Variants in TTC14 observed in about 807,000 individuals in gnomAD.
TTC14 encodes tetratricopeptide repeat domain 14, also known as tetratricopeptide repeat protein 14.
In TTC14, 63 loss-of-function variants were observed where a neutral mutation model predicts 79.9. That is an observed-to-expected ratio of 0.79 (90% CI 0.64 to 0.97). The LOEUF is 0.97. TTC14 is among the 50% of genes least tolerant of loss of function. The pLI is 0.00. For synonymous variants in TTC14, 335 were observed against 309.6 expected (o/e 1.08, Z -0.86); for missense variants, 895 against 894.0 (o/e 1.00, Z -0.01).
At chr3:180,612,101 A>G (rs574988148), downstream of TTC14, among the ~76,000 whole-genome samples, 1 of 151,308 alleles carries the variant, frequency 6.6e-6, no homozygotes, top group Non-Finnish European at 1.5e-5. Flanking sequence ...ATTCATCTTA[A>G]AAAGAGTCCT....
In TTC14 at chr3:180,610,453, G is replaced by C. The variant is rs762865010; in HGVS notation, c.2224G>C (p.Val742Leu). Reference protein sequence around the residue: ...LSSKEHSESSVKKNLPQNLLN... With the variant: ...LSSKEHSESSLKKNLPQNLLN... ...TAGCAAAGAACACTCAGAAAGCAGT[G>C]TTAAGAAAAATTTACCTCAGAATTT... Residue 742 changes from valine (V) to leucine (L), a missense_variant, in exon 12 of 12, where the codon GTT becomes CTT. Transcript: ENST00000296015. 1 of 1,609,454 alleles carries C rather than the reference G, an allele frequency of 6.2e-7. No homozygotes were observed. Among genetic ancestry groups the C allele is most frequent in the African/African-American group, 1.3e-5 (1 of 74,650 alleles).
At position 180,602,205 on chromosome 3, in the gene TTC14, G is replaced by C; in HGVS notation, c.-57G>C. On this transcript the variant is annotated 5_prime_UTR_variant, in exon 1 of 12. Transcript: ENST00000296015. ...TCCTGTACCACCCGGCTCAAGTAGC[G>C]GACACGGAACAGGGAACTATCAGCC... 4 of 1,591,132 alleles carry C rather than the reference G, an allele frequency of 2.5e-6. No individual in the cohort carries two copies. Among genetic ancestry groups the C allele is most frequent in the Non-Finnish European group, 3.4e-6 (4 of 1,168,750 alleles).
intron 1 of TTC14, 89 bp downstream of exon 1, chr3:180,602,511 A>C: frequency 2.7e-6 from 4 of 1,455,110 alleles, no homozygotes; most frequent in Non-Finnish European, 3.6e-6. Flanking sequence ...GTCTAGAGGA[A>C]GTGGAGCCGC....
At position 180,602,194 on chromosome 3, in the gene TTC14, G is replaced by A. The variant is rs1224169640; in HGVS notation, c.-68G>A. Reference sequence around the variant, plus strand: ...TTTCTTCCGCTTCCTGTACCACCCGGCTCAAGTAGCGGACACGGAACAGGG... The same window carrying A: ...TTTCTTCCGCTTCCTGTACCACCCGACTCAAGTAGCGGACACGGAACAGGG... On this transcript the variant is annotated 5_prime_UTR_variant, in exon 1 of 12. Transcript: ENST00000296015. 3.8e-6 allele frequency: 6 copies of A among 1,578,184 alleles called. No individual in the cohort carries two copies. In the African/African-American group the frequency reaches 6.7e-5, roughly 18 times the overall value.
intron 12 of TTC14, chr3:180,616,938 T>A: frequency 6.9e-7 from 1 of 1,459,246 alleles, no homozygotes; most frequent in Non-Finnish European, 9.5e-7. Flanking sequence ...TGCCAAATGT[T>A]CTATAACATC....
At chr3:180,604,365 A>G in intron 4 of TTC14, 56 bp downstream of exon 4, 2 of 1,574,158 alleles carry the variant, frequency 1.3e-6, no homozygotes, top group Non-Finnish European at 1.7e-6. Flanking sequence ...TTTTGTTTTT[A>G]TTAATTTAAA....
At chr3:180,605,958 A>G in intron 7 of TTC14, 121 bp downstream of exon 7, 1 of 1,039,762 alleles carries the variant, frequency 9.6e-7, no homozygotes. Context: ...CCTTTTTGAC[A>G]TGAGCTTTTC....
chr3:180,607,497 T>C (rs1576921885), intron 9 of TTC14, 151 bp from the exon 10 acceptor site: 1 of 1,233,702 alleles, frequency 8.1e-7, no homozygotes, highest in East Asian at 2.9e-5. Flanking sequence ...TAAATTACAG[T>C]AAAAAGCATA....
Position 180,602,245 on chromosome 3 carries a change from C to G in TTC14, c.-17C>G. The G allele has an allele frequency of 1.2e-6, 2 of 1,613,048 alleles. No homozygotes were observed. Among genetic ancestry groups the G allele is most frequent in the Non-Finnish European group, 1.7e-6 (2 of 1,179,612 alleles). ...AACTATCAGCCCGTCGGCCTCCGGG[C>G]CCTGCATTCTCTAGCCATGGACCGG... On this transcript the variant is annotated 5_prime_UTR_variant, in exon 1 of 12. Transcript: ENST00000296015.
In TTC14 at chr3:180,604,313, A is replaced by G; in HGVS notation, c.571+4A>G. 6.2e-7 allele frequency: 1 copy of G among 1,607,492 alleles called. No individual in the cohort carries two copies. The highest frequency in any genetic ancestry group is 8.5e-7 in the Non-Finnish European group (1 of 1,177,768). On this transcript the variant is annotated splice_donor_region_variant and intron_variant, in intron 4 of 11. Transcript: ENST00000296015. ...CAAACTGGTGACATCATTCGAGGTGATTAGTTTCATCATACTAATAAAAAA... is the reference window on the plus strand; with the variant it reads ...CAAACTGGTGACATCATTCGAGGTGGTTAGTTTCATCATACTAATAAAAAA...
At chr3:180,615,261 T>A (rs1230397217), downstream of TTC14, among the ~76,000 whole-genome samples, 1 of 152,142 alleles carries the variant, frequency 6.6e-6, no homozygotes, top group Non-Finnish European at 1.5e-5. Flanking sequence ...AAAGGAAAGA[T>A]GAACATAGAT....
rs373000553 is a variant in TTC14, at chr3:180,610,443, A to G, written c.2214A>G (p.Ser738=). ...EEDALSSKEH[S]ESSVKKNLPQ... ...ATGCACTAAGTAGCAAAGAACACTCAGAAAGCAGTGTTAAGAAAAATTTAC... is the reference window on the plus strand; with the variant it reads ...ATGCACTAAGTAGCAAAGAACACTCGGAAAGCAGTGTTAAGAAAAATTTAC... The change falls in exon 12 of 12, where the codon TCA becomes TCG. Residue 738 remains serine (S), a synonymous_variant. Coordinates refer to ENST00000296015, the MANE Select transcript of TTC14 (RefSeq NM_133462.4). The G allele has an allele frequency of 3.7e-6, 6 of 1,612,908 alleles. No homozygotes were observed. The Admixed American group carries it at 1.0e-4, about 27-fold the overall frequency.
chr3:180,604,107 T>C, intron 3 of TTC14, 118 bp from the exon 4 acceptor site: 1 of 837,012 alleles, frequency 1.2e-6, no homozygotes, highest in Middle Eastern at 2.3e-4. Flanking sequence ...CTTATTTAAA[T>C]TTTTACTTTA....
downstream of TTC14, among the ~76,000 whole-genome samples, chr3:180,612,844 CTA>C (rs1717081373): frequency 6.6e-6 from 1 of 152,188 alleles, no homozygotes; most frequent in Non-Finnish European, 1.5e-5. Flanking sequence ...AATGTGCAAA[CTA>C]TGCATCAGGC....
intron 3 of TTC14, 172 bp from the exon 4 acceptor site, chr3:180,604,053 A>G: frequency 1.6e-6 from 1 of 637,556 alleles, no homozygotes; most frequent in Non-Finnish European, 2.7e-6. Flanking sequence ...ACCAGCAAAC[A>G]TATTTTACTG....
At position 180,605,856 on chromosome 3, in the gene TTC14, A is replaced by G. The variant is rs1180889777; in HGVS notation, c.929+19A>G. 3 of 1,573,130 alleles carry G rather than the reference A, an allele frequency of 1.9e-6. No individual in the cohort carries two copies. Among genetic ancestry groups the G allele is most frequent in the Non-Finnish European group, 2.6e-6 (3 of 1,168,676 alleles). Reference sequence around the variant, plus strand: ...TAAAATGGTATGAAGACTGTCTTTCAACAATTGCATTATATCTAGTCTAAA... The same window carrying G: ...TAAAATGGTATGAAGACTGTCTTTCGACAATTGCATTATATCTAGTCTAAA... On this transcript the variant is annotated intron_variant, in intron 7 of 11. Coordinates refer to ENST00000296015, the MANE Select transcript of TTC14 (RefSeq NM_133462.4).
intron 12 of TTC14, chr3:180,616,754 T>G: frequency 6.3e-7 from 1 of 1,577,094 alleles, no homozygotes; most frequent in South Asian, 1.2e-5. Flanking sequence ...TTAATATTTT[T>G]AATAGATGAA....
chr3:180,612,763 A>G (rs921130764), downstream of TTC14, among the ~76,000 whole-genome samples: 5 of 152,188 alleles, frequency 3.3e-5, no homozygotes, highest in African/African-American at 1.2e-4. Context: ...AATGGGACTT[A>G]AGTAAGCTAC....
chr3:180,609,836 GC>G lies in TTC14; in HGVS notation c.1608del (p.Tyr537ThrfsTer35), dbSNP rs751368894. 4 of 1,613,542 alleles carry G rather than the reference GC, an allele frequency of 2.5e-6. No homozygotes were observed. In the African/African-American group the frequency reaches 5.3e-5, roughly 22 times the overall value. On this transcript the variant is annotated frameshift_variant, in exon 12 of 12. Coordinates refer to ENST00000296015, the MANE Select transcript of TTC14 (RefSeq NM_133462.4). LOFTEE classifies it high-confidence loss of function. ...NQIDQNRKDE[C>X]YPVPANTSAS... ...ATAGATCAGAATAGGAAAGATGAGT[GC>G]TACCCAGTTCCAGCTAATACTTCAG...
Sources: allele counts gnomAD v4.1 joint callset (sites outside exome capture counted in the v4.1 genomes callset), GRCh38; gene constraint gnomAD v4.1.1; transcripts MANE v1.5; gene names NCBI Gene and HGNC (gene_info 2026-07-23, HGNC 2026-07-21).